The following OGFOD3 variants were observed in gnomAD, a reference collection of about 807,000 sequenced individuals.
OGFOD3 encodes 2-oxoglutarate and iron-dependent oxygenase domain-containing protein 3.
A neutral mutation model predicts 39.8 loss-of-function variants in OGFOD3; 35 were observed. The ratio of observed to expected loss-of-function variants is 0.88; its 90% CI spans 0.67 to 1.17. The LOEUF (loss-of-function observed/expected upper bound fraction) is 1.17, where lower values mean the gene tolerates loss of function less well. OGFOD3 is among the 50% of genes most tolerant of loss of function. OGFOD3 has a pLI of 0.00. For synonymous variants in OGFOD3, 200 were observed against 192.0 expected, an observed-to-expected ratio of 1.04 and a Z score of -0.34; for missense variants, 438 against 454.5, an observed-to-expected ratio of 0.96 and a Z score of 0.33.
chr17:82,394,469 C>T (rs760603274), intron 8 of OGFOD3: 1 of 1,614,060 alleles, frequency 6.2e-7, no homozygotes, highest in Admixed American at 1.7e-5. Context: ...CCAGCCTTCG[C>T]ACCAGCAGCT....
At chr17:82,398,129 C>T in intron 8 of OGFOD3, 67 bp downstream of exon 8, 1 of 1,592,976 alleles carries the variant, frequency 6.3e-7, no homozygotes, top group Non-Finnish European at 8.6e-7. Context: ...CAGGGACACG[C>T]CCCCCACACC....
intron 4 of OGFOD3, 46 bp downstream of exon 4, chr17:82,409,322 A>G: frequency 6.3e-7 from 1 of 1,597,834 alleles, no homozygotes; most frequent in Non-Finnish European, 8.6e-7. Flanking sequence ...AGTGAGAGCA[A>G]AGTTAACGGG....
At chr17:82,411,078 G>A (rs1315139551) in intron 3 of OGFOD3, among the ~76,000 whole-genome samples, 3 of 143,960 alleles carry the variant, frequency 2.1e-5, no homozygotes, top group Non-Finnish European at 4.5e-5. Flanking sequence ...ATAGAATCTC[G>A]CTCTGTCGCC....
Position 82,406,575 on chromosome 17 carries a change from G to T in OGFOD3, c.424-93C>A. ...TGGTAAATGCGAGTTTCCAAGGTCT[G>T]GCCAGCACACACCTCAGGTGTTTTT... On this transcript the variant is annotated intron_variant, in intron 4 of 8. Coordinates refer to ENST00000313056, the MANE Select transcript of OGFOD3 (RefSeq NM_024648.3). This position sits in a 1 kb window ranked among gnomAD's most constrained non-coding sequence, Gnocchi z 5.2. 1.9e-6 allele frequency: 2 copies of T among 1,062,038 alleles called. No homozygotes were observed. Among genetic ancestry groups the T allele is most frequent in the Non-Finnish European group, 2.9e-6 (2 of 683,404 alleles). The allele number at this position is 1,062,038 out of a possible 1,614,324, so 65.8% of individuals were successfully genotyped here. A position where few individuals can be genotyped will look rare whatever the true frequency, so the allele number is the denominator to read the frequency against.
rs527862857 is a variant in OGFOD3 at position 82,415,604 on chromosome 17, C to T, written c.98G>A (p.Arg33Gln). 64 of 1,612,594 alleles carry T rather than the reference C, an allele frequency of 4.0e-5. No individual in the cohort carries two copies. The highest frequency in any genetic ancestry group is 6.6e-5 in the South Asian group (6 of 90,996). The change falls in exon 2 of 9, where the codon CGG becomes CAG. Residue 33 changes from arginine (R) to glutamine (Q), a missense_variant. By Grantham distance (43) the Arg-to-Gln change is conservative. Transcript: ENST00000313056. The surrounding 1 kb of genome is among the most constrained non-coding windows in gnomAD (Gnocchi z 5.3). ...CCTCTGCCACAGCCTCTGCACCTCC[C>T]GCGGGGCTCGGTCCTTCTTGGTGCT... is the stretch of plus-strand genomic sequence containing the variant. ...RSSTKKDRAP[R>Q]EVQRLWQRPW...
At position 82,404,485 on chromosome 17, in the gene OGFOD3, A is replaced by C. The variant is rs1267421842; in HGVS notation, c.546-395T>G. On this transcript the variant is annotated intron_variant, in intron 6 of 8. Coordinates refer to ENST00000313056, the MANE Select transcript of OGFOD3 (RefSeq NM_024648.3). The surrounding 1 kb of genome is among the most constrained non-coding windows in gnomAD (Gnocchi z 4.5). ...CAACGTGAGTGTGCGGGGTGTGTGG[A>C]CGTGGGGAGAGGGGAGTGGGTGTCG... Among the ~76,000 whole-genome samples the C allele has an allele frequency of 2.6e-5, 4 of 152,086 alleles. No individual in the cohort carries two copies.
At chr17:82,394,297 C>T (rs1308661480) in intron 8 of OGFOD3, 40 of 1,499,354 alleles carry the variant, frequency 2.7e-5, no homozygotes, top group Non-Finnish European at 3.2e-5. Context: ...GCCTAAGATG[C>T]ACTTTCTTTA....
rs1477314609 is a variant in OGFOD3 at position 82,418,398 on chromosome 17, C to T, written c.74+14G>A. The T allele has an allele frequency of 1.4e-6, 2 of 1,474,414 alleles. No individual in the cohort carries two copies. The highest frequency in any genetic ancestry group is 3.0e-5 in the East Asian group (1 of 33,580). The allele number at this position is 1,474,414 out of a possible 1,614,324, so 91.3% of individuals were successfully genotyped here. ...CGCCGCCGCAGCGCGCGCCCTTCCC[C>T]TCCTCACCGCTACCTGCTCCGGTTC... On this transcript the variant is annotated intron_variant, in intron 1 of 8. Transcript: ENST00000313056.
rs143894475 is a variant in OGFOD3, at chr17:82,416,458, G to A, written c.75-831C>T. ...AGGAAGGTTGTTTCCAGGGTGGGGC[G>A]GAGGTGAGCCCCCTACAGCTCAGGT... On this transcript the variant is annotated intron_variant, in intron 1 of 8. Transcript: ENST00000313056. Among the ~76,000 whole-genome samples the A allele has an allele frequency of 3.4e-3, 511 of 152,148 alleles. 2 individuals carry two copies. The highest frequency in any genetic ancestry group is 0.012 in the African/African-American group (483 of 41,514).
Position 82,392,413 on chromosome 17 carries a change from G to A in OGFOD3, c.945C>T (p.Asp315=), listed in dbSNP as rs747080530. Residue 315 remains aspartate (D), a synonymous_variant, in exon 9 of 9, where the codon GAC becomes GAT. Transcript: ENST00000313056. The surrounding 1 kb of genome is among the most constrained non-coding windows in gnomAD (Gnocchi z 4.2). ...CGGCTGCTGGCTACGGGAACGCTGG[G>A]TCCTCGATGCCATGGTCGGGGTTGC... ...FSCNPDHGIE[D]PAFP 1.9e-6 allele frequency: 3 copies of A among 1,611,968 alleles called. No homozygotes were observed. The highest frequency in any genetic ancestry group is 2.2e-5 in the East Asian group (1 of 44,854).
intron 8 of OGFOD3, among the ~76,000 whole-genome samples, chr17:82,395,703 C>A (rs62079526): frequency 0.26 from 39,982 of 152,028 alleles, 5,955 homozygotes; most frequent in Non-Finnish European, 0.35. Context: ...CACCTGTAGT[C>A]CCAGCTACTC....
chr17:82,405,479 TCA>T, intron 5 of OGFOD3, 99 bp from the exon 6 acceptor site: 2 of 1,011,290 alleles, frequency 2.0e-6, no homozygotes, highest in Non-Finnish European at 3.1e-6. Context: ...GAAAATCAAC[TCA>T]CACATTCAGA....
intron 2 of OGFOD3, among the ~76,000 whole-genome samples, chr17:82,414,854 G>T (rs997405296): frequency 6.6e-6 from 1 of 152,228 alleles, no homozygotes; most frequent in African/African-American, 2.4e-5. Context: ...AGGCCTACAG[G>T]GGGTGTGCGG....
intron 4 of OGFOD3, among the ~76,000 whole-genome samples, chr17:82,408,395 G>A (rs957835419): frequency 6.6e-6 from 1 of 152,170 alleles, no homozygotes; most frequent in African/African-American, 2.4e-5. Context: ...CAACCCTGAG[G>A]AAACCGCATG....
chr17:82,415,677 G>A lies in OGFOD3; in HGVS notation c.75-50C>T, dbSNP rs1170415791. On this transcript the variant is annotated intron_variant, in intron 1 of 8. Coordinates refer to ENST00000313056, the MANE Select transcript of OGFOD3 (RefSeq NM_024648.3). This position sits in a 1 kb window ranked among gnomAD's most constrained non-coding sequence, Gnocchi z 5.3. The stretch of plus-strand genomic sequence containing the variant: ...CACCCAAACACGGAGTGAGGCCAGA[G>A]AAAACGCTCCCCGATCATCAAAGTG... The A allele has an allele frequency of 3.3e-6, 5 of 1,494,070 alleles. No homozygotes were observed. Among genetic ancestry groups the A allele is most frequent in the Admixed American group, 2.0e-5 (1 of 49,730 alleles). 92.6% of individuals were successfully genotyped at this position (1,494,070 alleles called of 1,614,324 possible). A position where few individuals can be genotyped will look rare whatever the true frequency, so the allele number is the denominator to read the frequency against.
Position 82,404,116 on chromosome 17 carries a change from C to G in OGFOD3, c.546-26G>C. ...CTGCAGAGGACACAATAGCCGTCAG[C>G]GCAGCCCCAGGCGGGAGGGGACGCT... is the stretch of plus-strand genomic sequence containing the variant. On this transcript the variant is annotated intron_variant, in intron 6 of 8. Transcript: ENST00000313056. The surrounding 1 kb of genome is among the most constrained non-coding windows in gnomAD (Gnocchi z 4.5). 2 of 1,549,752 alleles carry G rather than the reference C, an allele frequency of 1.3e-6. No homozygotes were observed. The highest frequency in any genetic ancestry group is 2.4e-5 in the South Asian group (2 of 81,826).
chr17:82,400,592 C>T (rs965866309), intron 7 of OGFOD3: 1 of 152,144 alleles, frequency 6.6e-6, no homozygotes, highest in African/African-American at 2.4e-5. Context: ...ACTCTGAGAT[C>T]TCAGGACTGT....
chr17:82,406,279 A>T lies in OGFOD3; in HGVS notation c.488+139T>A. 1.4e-6 allele frequency: 1 copy of T among 740,160 alleles called. No homozygotes were observed. 45.8% of individuals were successfully genotyped at this position (740,160 alleles called of 1,614,324 possible). On this transcript the variant is annotated intron_variant, in intron 5 of 8. Coordinates refer to ENST00000313056, the MANE Select transcript of OGFOD3 (RefSeq NM_024648.3). The surrounding 1 kb of genome is among the most constrained non-coding windows in gnomAD (Gnocchi z 5.2). ...AACCAGGAAGGACCCGGCCAACATC[A>T]CAGCCACTGAGGCCCTGAGGCTGCA...
At chr17:82,397,307 G>C (rs915931785) in intron 8 of OGFOD3, among the ~76,000 whole-genome samples, 11 of 150,190 alleles carry the variant, frequency 7.3e-5, no homozygotes, top group African/African-American at 2.4e-4. Flanking sequence ...CAGTGCCCTG[G>C]GGACGGGTGA....
Sources: allele counts gnomAD v4.1 joint callset (sites outside exome capture counted in the v4.1 genomes callset), GRCh38; gene constraint gnomAD v4.1.1; non-coding constraint Gnocchi (gnomAD v3.1); transcripts MANE v1.5; gene names NCBI Gene and HGNC (gene_info 2026-07-23, HGNC 2026-07-21).